The following PHACTR2 variants were observed in gnomAD, a reference collection of about 807,000 sequenced individuals.
PHACTR2 encodes the protein phosphatase and actin regulator 2.
A neutral mutation model predicts 76.0 loss-of-function variants in PHACTR2; 30 were observed. The observed-to-expected ratio is 0.39, with a 90% CI of 0.30 to 0.54. The LOEUF is 0.54. Ranked by LOEUF, PHACTR2 falls within the 20% of genes least tolerant of loss-of-function variation. The pLI, the probability that PHACTR2 is intolerant of heterozygous loss-of-function variation, is 0.61. For missense variants in PHACTR2, 696 were observed against 781.1 expected, an observed-to-expected ratio of 0.89 and a Z score of 1.30; for synonymous variants, 292 against 292.5, an observed-to-expected ratio of 1.00 and a Z score of 0.02.
rs1191145760 is a variant in PHACTR2, at chr6:143,792,211, C to T, written c.1845+3301C>T. ...TTCTCACTTACCTTATTTTTCTGGC[C>T]ATGATCTTCTTTTACTCATTCTCAT... On this transcript the variant is annotated intron_variant, in intron 11 of 12. Coordinates refer to ENST00000440869, the MANE Select transcript of PHACTR2 (RefSeq NM_001100164.2). Among the ~76,000 whole-genome samples the T allele has an allele frequency of 2.0e-5, 3 of 152,166 alleles. No individual in the cohort carries two copies. The East Asian group carries it at 5.8e-4, about 29-fold the overall frequency.
At position 143,641,046 on chromosome 6, in the gene PHACTR2, G is replaced by A. The variant is rs920328610; in HGVS notation, c.13+32724G>A. Among the ~76,000 whole-genome samples, 1 of 152,180 alleles carries A rather than the reference G, an allele frequency of 6.6e-6. No homozygotes were observed. The highest frequency in any genetic ancestry group is 6.5e-5 in the Admixed American group (1 of 15,276). On this transcript the variant is annotated intron_variant, in intron 1 of 11. Coordinates refer to the PHACTR2 transcript ENST00000305766. The surrounding 1 kb of genome is among the most constrained non-coding windows in gnomAD (Gnocchi z 5.8). Reference sequence around the variant, plus strand: ...GTATTTCTCATAGTTCTGGAGGTTGGTGGTCCACGATCAAGGTGCTGGCAT... The same window carrying A: ...GTATTTCTCATAGTTCTGGAGGTTGATGGTCCACGATCAAGGTGCTGGCAT...
rs1002078661 is a variant in PHACTR2 at position 143,811,034 on chromosome 6, G to A, written c.1922+3901G>A. ...TATTCAAATCTATCTGTATTGTTATGTTTTACTTCATTGTTTTGTGTCTTA... is the reference window on the plus strand; with the variant it reads ...TATTCAAATCTATCTGTATTGTTATATTTTACTTCATTGTTTTGTGTCTTA... On this transcript the variant is annotated intron_variant, in intron 12 of 12. Transcript: ENST00000440869. This position sits in a 1 kb window ranked among gnomAD's most constrained non-coding sequence, Gnocchi z 4.1. 6.6e-6 allele frequency among the ~76,000 whole-genome samples: 1 copy of A among 151,996 alleles called. No individual in the cohort carries two copies. Among genetic ancestry groups the A allele is most frequent in the Non-Finnish European group, 1.5e-5 (1 of 67,998 alleles).
intron 1 of PHACTR2, among the ~76,000 whole-genome samples, chr6:143,545,180 A>G (rs1191966258): frequency 6.6e-6 from 1 of 152,096 alleles, no homozygotes; most frequent in Non-Finnish European, 1.5e-5. Context: ...CCTGACCTCA[A>G]GTGAGCCACC....
upstream of PHACTR2, among the ~76,000 whole-genome samples, chr6:143,675,015 C>T (rs1472336475): frequency 6.6e-6 from 1 of 152,200 alleles, no homozygotes; most frequent in Admixed American, 6.5e-5. The surrounding 1 kb of genome is among the most constrained non-coding windows in gnomAD (Gnocchi z 4.9). Flanking sequence ...GCAAGTGTCA[C>T]TTTGGGTACC....
Position 143,789,055 on chromosome 6 carries a change from T to A in PHACTR2, c.1845+145T>A. 1 of 624,664 alleles carries A rather than the reference T, an allele frequency of 1.6e-6. No individual in the cohort carries two copies. The highest frequency in any genetic ancestry group is 2.7e-6 in the Non-Finnish European group (1 of 363,658). 38.7% of individuals were successfully genotyped at this position (624,664 alleles called of 1,614,324 possible). ...TCTGCCTCTGATTATTTAAGCCACT[T>A]AAGTGATACATTTAGTGATATCAAT... On this transcript the variant is annotated intron_variant, in intron 11 of 12. Coordinates refer to ENST00000440869, the MANE Select transcript of PHACTR2 (RefSeq NM_001100164.2). This position sits in a 1 kb window ranked among gnomAD's most constrained non-coding sequence, Gnocchi z 5.1.
Position 143,710,222 on chromosome 6 carries a change from C to T in PHACTR2, c.47-1794C>T, listed in dbSNP as rs74797531. On this transcript the variant is annotated intron_variant, in intron 1 of 12. Coordinates refer to ENST00000440869, the MANE Select transcript of PHACTR2 (RefSeq NM_001100164.2). This position sits in a 1 kb window ranked among gnomAD's most constrained non-coding sequence, Gnocchi z 4.9. The stretch of plus-strand genomic sequence containing the variant: ...TCGAGGTTTCTTACTTCTTCAGCTA[C>T]GAGTCTGGGATATTTGAGGCAAAAA... Among the ~76,000 whole-genome samples, 24 of 152,164 alleles carry T rather than the reference C, an allele frequency of 1.6e-4. No homozygotes were observed. In the East Asian group the frequency reaches 2.1e-3, roughly 14 times the overall value.
In PHACTR2 at chr6:143,541,871, A is replaced by G. The variant is rs1222879012; in HGVS notation, c.217+4664A>G. 6.6e-6 allele frequency among the ~76,000 whole-genome samples: 1 copy of G among 152,082 alleles called. No individual in the cohort carries two copies. Among genetic ancestry groups the G allele is most frequent in the Non-Finnish European group, 1.5e-5 (1 of 68,024 alleles). On this transcript the variant is annotated intron_variant, in intron 1 of 11. Transcript: ENST00000367584. This position sits in a 1 kb window ranked among gnomAD's most constrained non-coding sequence, Gnocchi z 5.3. ...TCTACTATGTTTCTTACTGACCTCC[A>G]AGGTTGTAACTCTTTGAGTTGATGC...
Position 143,827,169 on chromosome 6 carries a change from T to A in PHACTR2, c.*3480T>A, listed in dbSNP as rs1258569977. 7.4e-5 allele frequency: 7 copies of A among 94,894 alleles called. No individual in the cohort carries two copies. Among genetic ancestry groups the A allele is most frequent in the Non-Finnish European group, 8.9e-5 (4 of 44,940 alleles). 5.9% of individuals were successfully genotyped at this position (94,894 alleles called of 1,614,324 possible). A position where few individuals can be genotyped will look rare whatever the true frequency, so the allele number is the denominator to read the frequency against. On this transcript the variant is annotated 3_prime_UTR_variant, in exon 13 of 13. Coordinates refer to ENST00000440869, the MANE Select transcript of PHACTR2 (RefSeq NM_001100164.2). Reference sequence around the variant, plus strand: ...TTAAAAAAGAAAATATATATATATATATATATATATATATATATATATATA... The same window carrying A: ...TTAAAAAAGAAAATATATATATATAAATATATATATATATATATATATATA...
At chr6:143,667,661 A>G (rs1001444480) in intron 1 of PHACTR2, among the ~76,000 whole-genome samples, 8 of 152,142 alleles carry the variant, frequency 5.3e-5, no homozygotes, top group African/African-American at 1.9e-4. Context: ...TTCACTCATG[A>G]TTTGGCTCTC....
At chr6:143,693,797 A>G (rs1777705998) in intron 1 of PHACTR2, among the ~76,000 whole-genome samples, 1 of 152,246 alleles carries the variant, frequency 6.6e-6, no homozygotes, top group South Asian at 2.1e-4. Context: ...GTGACTAGGC[A>G]GTACACTTAG....
rs1562299373 is a variant in PHACTR2 at position 143,767,913 on chromosome 6, C to T, written c.1232+2115C>T. Among the ~76,000 whole-genome samples, 1 of 152,164 alleles carries T rather than the reference C, an allele frequency of 6.6e-6. No homozygotes were observed. The highest frequency in any genetic ancestry group is 1.9e-4 in the East Asian group (1 of 5,196). On this transcript the variant is annotated intron_variant, in intron 6 of 12. Transcript: ENST00000440869. The surrounding 1 kb of genome is among the most constrained non-coding windows in gnomAD (Gnocchi z 4.4). Reference sequence around the variant, plus strand: ...AGTACAGTGGCATGATCTCGGCTCACCTCAACCTCTGCCTCCCAGGTTCAA... The same window carrying T: ...AGTACAGTGGCATGATCTCGGCTCATCTCAACCTCTGCCTCCCAGGTTCAA...
intron 2 of PHACTR2, among the ~76,000 whole-genome samples, chr6:143,726,165 A>G (rs1778565695): frequency 6.6e-6 from 1 of 152,240 alleles, no homozygotes; most frequent in Non-Finnish European, 1.5e-5. Context: ...GTTTAACTTT[A>G]TAAGCAAATG....
At chr6:143,725,276 C>T (rs62427404) in intron 2 of PHACTR2, among the ~76,000 whole-genome samples, 63,704 of 139,624 alleles carry the variant, frequency 0.46, 15,088 homozygotes, top group Middle Eastern at 0.6. Flanking sequence ...GGCGTGATCT[C>T]GGCAAGCTCC....
chr6:143,605,126 C>T (rs1261354204), upstream of PHACTR2, among the ~76,000 whole-genome samples: 5 of 151,912 alleles, frequency 3.3e-5, no homozygotes, highest in East Asian at 9.7e-4. This position sits in a 1 kb window ranked among gnomAD's most constrained non-coding sequence, Gnocchi z 5.0. Context: ...CAGGCAAACA[C>T]TCTCTTAAAA....
In PHACTR2 at chr6:143,777,442, A is replaced by T; in HGVS notation, c.1645+59A>T. 1.2e-6 allele frequency: 1 copy of T among 846,310 alleles called. No individual in the cohort carries two copies. Among genetic ancestry groups the T allele is most frequent in the Non-Finnish European group, 1.9e-6 (1 of 536,514 alleles). The allele number at this position is 846,310 out of a possible 1,614,324, so 52.4% of individuals were successfully genotyped here. ...GTAATCGCTAACAAGCTGCCTCTAC[A>T]GATGATCGATTTATCAGTAAGAAAC... On this transcript the variant is annotated intron_variant, in intron 9 of 12. Transcript: ENST00000440869. The surrounding 1 kb of genome is among the most constrained non-coding windows in gnomAD (Gnocchi z 4.6).
In PHACTR2 at chr6:143,546,813, T is replaced by G. The variant is rs1775007697; in HGVS notation, c.217+9606T>G. 6.6e-6 allele frequency among the ~76,000 whole-genome samples: 1 copy of G among 150,498 alleles called. No homozygotes were observed. Among genetic ancestry groups the G allele is most frequent in the Non-Finnish European group, 1.5e-5 (1 of 67,784 alleles). The stretch of plus-strand genomic sequence containing the variant: ...GGTGGAGGCAGAAGGATTGCTTGAG[T>G]CCAGGAGCTTGAGACAAGCCTGGGC... On this transcript the variant is annotated intron_variant, in intron 1 of 11. Coordinates refer to the PHACTR2 transcript ENST00000367584. The surrounding 1 kb of genome is among the most constrained non-coding windows in gnomAD (Gnocchi z 4.9).
At position 143,659,672 on chromosome 6, in the gene PHACTR2, C is replaced by A. The variant is rs866223527; in HGVS notation, c.13+51350C>A. On this transcript the variant is annotated intron_variant, in intron 1 of 11. Transcript: ENST00000305766. The surrounding 1 kb of genome is among the most constrained non-coding windows in gnomAD (Gnocchi z 5.0). ...GCCCTCTCAGGGGGAGGGGATCACA[C>A]AAAGGTGGATTACCTGGGGTCTACC... Among the ~76,000 whole-genome samples the A allele has an allele frequency of 6.6e-6, 1 of 152,184 alleles. No homozygotes were observed. Among genetic ancestry groups the A allele is most frequent in the African/African-American group, 2.4e-5 (1 of 41,450 alleles).
intron 1 of PHACTR2, among the ~76,000 whole-genome samples, chr6:143,702,773 CTTTTTTTTTTTTTTT>C (rs1190039194): frequency 1.3e-4 from 13 of 100,136 alleles, no homozygotes; most frequent in Non-Finnish European, 9.4e-5. Context: ...ATATATACAA[CTTTTTTTTTTTTTTT>C]TTTTTTTTTT....
rs1039731628 is a variant in PHACTR2, at chr6:143,697,477, C to T, written c.47-14539C>T. 6.6e-6 allele frequency among the ~76,000 whole-genome samples: 1 copy of T among 152,066 alleles called. No individual in the cohort carries two copies. Among genetic ancestry groups the T allele is most frequent in the Non-Finnish European group, 1.5e-5 (1 of 67,978 alleles). On this transcript the variant is annotated intron_variant, in intron 1 of 12. Coordinates refer to ENST00000440869, the MANE Select transcript of PHACTR2 (RefSeq NM_001100164.2). The surrounding 1 kb of genome is among the most constrained non-coding windows in gnomAD (Gnocchi z 4.4). ...AGACAATTTCACATATAAATTATTC[C>T]AGCTGTTTTTCAATTATTTGTCTTT...
Sources: gnomAD v4.1 joint callset for allele counts (sites outside exome capture counted in the v4.1 genomes callset) on GRCh38, gnomAD v4.1.1 for gene constraint, Gnocchi (gnomAD v3.1) non-coding constraint, MANE v1.5 for transcripts, NCBI Gene and HGNC (gene_info 2026-07-23, HGNC 2026-07-21) for gene names.